Variants in EDN3 observed in about 807,000 individuals in gnomAD.
EDN3 encodes endothelin 3.
A neutral mutation model predicts 21.4 loss-of-function variants in EDN3; 9 were observed. The ratio of observed to expected loss-of-function variants is 0.42; its 90% CI spans 0.25 to 0.73. The LOEUF is 0.73. EDN3 is among the 30% of genes least tolerant of loss of function. The probability of loss-of-function intolerance (pLI) is 0.26; values close to 1 mark genes in which losing one functional copy is unlikely to be tolerated. For synonymous variants in EDN3, 133 were observed against 126.2 expected, an observed-to-expected ratio of 1.05 and a Z score of -0.36; for missense variants, 327 against 309.4, an observed-to-expected ratio of 1.06 and a Z score of -0.43.
intron 2 of EDN3, among the ~76,000 whole-genome samples, chr20:59,303,949 G>A (rs1050601440): frequency 6.6e-6 from 1 of 152,170 alleles, no homozygotes; most frequent in South Asian, 2.1e-4. Flanking sequence ...AGCCAGACTT[G>A]AGCATTTTGA....
intron 3 of EDN3, 78 bp downstream of exon 3, chr20:59,321,271 A>G: frequency 3.4e-6 from 5 of 1,484,300 alleles, no homozygotes; most frequent in Non-Finnish European, 4.7e-6. Context: ...GGCTTCTCAA[A>G]GGAGGGTGTA....
chr20:59,313,943 T>C (rs537929092), intron 2 of EDN3, among the ~76,000 whole-genome samples: 2 of 152,356 alleles, frequency 1.3e-5, no homozygotes, highest in Admixed American at 6.5e-5. Flanking sequence ...CACAGCAGAC[T>C]TTCATAAGCA....
At chr20:59,309,778 A>G (rs1243473042) in intron 2 of EDN3, among the ~76,000 whole-genome samples, 2 of 152,218 alleles carry the variant, frequency 1.3e-5, no homozygotes, top group Non-Finnish European at 2.9e-5. Context: ...GGTCAGTCCT[A>G]CGAGGACTTT....
At chr20:59,314,293 A>G (rs1310833658) in intron 2 of EDN3, among the ~76,000 whole-genome samples, 4 of 152,224 alleles carry the variant, frequency 2.6e-5, no homozygotes. Flanking sequence ...TGGGGAGACT[A>G]CAAGCCTTCC....
intron 2 of EDN3, among the ~76,000 whole-genome samples, chr20:59,308,903 G>A (rs998067340): frequency 2.6e-5 from 4 of 152,134 alleles, no homozygotes; most frequent in African/African-American, 9.7e-5. Flanking sequence ...GGAGTGCCCC[G>A]GAGCAAACCT....
chr20:59,320,026 G>A (rs1466948131), intron 2 of EDN3, among the ~76,000 whole-genome samples: 1 of 152,144 alleles, frequency 6.6e-6, no homozygotes, highest in African/African-American at 2.4e-5. Flanking sequence ...CTTTTTCTCT[G>A]GCAAGTGATG....
chr20:59,304,012 T>TACCCTCCCTTCCTGCCTCCC (rs1471196452), intron 2 of EDN3, among the ~76,000 whole-genome samples: 2 of 152,114 alleles, frequency 1.3e-5, no homozygotes, highest in Non-Finnish European at 2.9e-5. Context: ...AATGGCCTCC[T>TACCCTCCCTTCCTGCCTCCC]TCCCTCCCTT....
chr20:59,307,930 C>CAT (rs11570287), intron 2 of EDN3, among the ~76,000 whole-genome samples: 4,177 of 149,668 alleles, frequency 0.028, 140 homozygotes, highest in African/African-American at 0.082. Flanking sequence ...AGTGATGATT[C>CAT]ATATATATAA....
chr20:59,303,071 C>A (rs1989158353), intron 2 of EDN3, among the ~76,000 whole-genome samples: 1 of 152,224 alleles, frequency 6.6e-6, no homozygotes, highest in Non-Finnish European at 1.5e-5. Context: ...GACACGTGCA[C>A]AAAGTCCTGC....
At chr20:59,317,059 G>A (rs775415839) in intron 2 of EDN3, among the ~76,000 whole-genome samples, 2 of 152,192 alleles carry the variant, frequency 1.3e-5, no homozygotes, top group Non-Finnish European at 2.9e-5. Context: ...CACTGGGCAG[G>A]GCATGCTGGT....
intron 2 of EDN3, among the ~76,000 whole-genome samples, chr20:59,309,426 C>G (rs6092769): frequency 6.6e-6 from 1 of 152,284 alleles, no homozygotes; most frequent in Non-Finnish European, 1.5e-5. Context: ...TGCCCAGGAC[C>G]TGAAGTGGGT....
At chr20:59,308,001 A>G (rs748545783) in intron 2 of EDN3, among the ~76,000 whole-genome samples, 2 of 152,158 alleles carry the variant, frequency 1.3e-5, no homozygotes, top group African/African-American at 4.8e-5. Flanking sequence ...ATGTTAACAC[A>G]TGGGCAAAAC....
rs11570336 is a variant in EDN3, at chr20:59,320,209, C to T, written c.366-808C>T. On this transcript the variant is annotated intron_variant, in intron 2 of 4. Coordinates refer to ENST00000337938, the MANE Select transcript of EDN3 (RefSeq NM_207034.3). ...CCACTTTCAGCTGCATGGCCAGGCC[C>T]TCACCCGCCTCTCAGAGGTCACGGA... Among the ~76,000 whole-genome samples, 252 of 152,320 alleles carry T rather than the reference C, an allele frequency of 1.7e-3. 2 individuals carry two copies. Among genetic ancestry groups the T allele is most frequent in the Admixed American group, 0.015 (232 of 15,298 alleles).
intron 2 of EDN3, among the ~76,000 whole-genome samples, chr20:59,313,479 T>A (rs932202012): frequency 6.6e-6 from 1 of 152,178 alleles, no homozygotes; most frequent in Non-Finnish European, 1.5e-5. Flanking sequence ...CTGTTAAAAT[T>A]CTCAAACAGC....
intron 2 of EDN3, among the ~76,000 whole-genome samples, chr20:59,318,040 A>T (rs901482368): frequency 6.6e-6 from 1 of 152,184 alleles, no homozygotes; most frequent in African/African-American, 2.4e-5. Context: ...TGGGACTCAA[A>T]GCCATATGCT....
Position 59,322,581 on chromosome 20 carries a change from T to G in EDN3, c.588+164T>G. Reference sequence around the variant, plus strand: ...CACCCACAAGCAATGGTGCCTTTGGTGGACCGTTTCTGGGGGCAGAGCGGG... The same window carrying G: ...CACCCACAAGCAATGGTGCCTTTGGGGGACCGTTTCTGGGGGCAGAGCGGG... On this transcript the variant is annotated intron_variant, in intron 4 of 4. Coordinates refer to ENST00000337938, the MANE Select transcript of EDN3 (RefSeq NM_207034.3). The surrounding 1 kb of genome is among the most constrained non-coding windows in gnomAD (Gnocchi z 4.1). 2 of 973,254 alleles carry G rather than the reference T, an allele frequency of 2.1e-6. No homozygotes were observed. Among genetic ancestry groups the G allele is most frequent in the Non-Finnish European group, 3.2e-6 (2 of 621,828 alleles). The allele number at this position is 973,254 out of a possible 1,614,324, so 60.3% of individuals were successfully genotyped here. A position where few individuals can be genotyped will look rare whatever the true frequency, so the allele number is the denominator to read the frequency against.
At chr20:59,316,805 T>G (rs1300955907) in intron 2 of EDN3, among the ~76,000 whole-genome samples, 1 of 152,230 alleles carries the variant, frequency 6.6e-6, no homozygotes, top group Non-Finnish European at 1.5e-5. Context: ...ATGAATGTTC[T>G]GAATACATAA....
intron 2 of EDN3, among the ~76,000 whole-genome samples, chr20:59,316,766 G>A (rs1220770709): frequency 2.0e-5 from 3 of 152,190 alleles, no homozygotes; most frequent in Non-Finnish European, 4.4e-5. Context: ...TGATAAAAAA[G>A]ACTCTGTTGT....
At chr20:59,306,594 G>GAAAAAAAAAAA (rs1989430275) in intron 2 of EDN3, among the ~76,000 whole-genome samples, 1 of 28,644 alleles carries the variant, frequency 3.5e-5, no homozygotes, top group Non-Finnish European at 6.4e-5. Flanking sequence ...TGCATAAAGA[G>GAAAAAAAAAAA]TAAAAAAAAA....
Sources: gnomAD v4.1 joint callset for allele counts (sites outside exome capture counted in the v4.1 genomes callset) on GRCh38, gnomAD v4.1.1 for gene constraint, Gnocchi (gnomAD v3.1) non-coding constraint, MANE v1.5 for transcripts, NCBI Gene and HGNC (gene_info 2026-07-23, HGNC 2026-07-21) for gene names.